CDH20: variants seen among roughly 807,000 people sequenced by gnomAD.
The protein encoded by CDH20 is cadherin-20.
A neutral mutation model predicts 74.2 loss-of-function variants in CDH20; 29 were observed. The ratio of observed to expected loss-of-function variants is 0.39; its 90% confidence interval spans 0.29 to 0.53. The LOEUF is 0.53. Ranked by LOEUF, CDH20 falls within the 20% of genes least tolerant of loss-of-function variation. The pLI is 0.69. For synonymous variants in CDH20, 469 were observed against 405.4 expected (o/e 1.16, Z -1.88); for missense variants, 988 against 1,048.3 (o/e 0.94, Z 0.79).
intron 7 of CDH20, 146 bp from the exon 8 acceptor site, chr18:61,536,347 T>C: frequency 1.6e-6 from 1 of 618,608 alleles, no homozygotes; most frequent in East Asian, 2.6e-5. Context: ...TCTGAACAAA[T>C]AAAACCACGA....
intron 9 of CDH20, among the ~76,000 whole-genome samples, chr18:61,544,556 C>G (rs1013697639): frequency 2.0e-5 from 3 of 152,144 alleles, no homozygotes; most frequent in Non-Finnish European, 4.4e-5. Flanking sequence ...TGATCTTCCC[C>G]CGGATTCGGG....
intron 1 of CDH20, among the ~76,000 whole-genome samples, chr18:61,423,170 A>C (rs999432402): frequency 1.3e-5 from 2 of 152,240 alleles, no homozygotes; most frequent in African/African-American, 4.8e-5. Flanking sequence ...GTGGACCAGT[A>C]AGAATGTGGT....
In CDH20 at chr18:61,425,040, C is replaced by CCTCTCTCTCTCT. The variant is rs10535853; in HGVS notation, c.-152-65336_-152-65325dup. On this transcript the variant is annotated intron_variant, in intron 1 of 11. Transcript: ENST00000262717. ...TCCCTCTCTCTCCCACTTCCCCGCT[C>CCTCTCTCTCTCT]CTCTCTCTCTCTCTCTCTCTCTCTC... Among the ~76,000 whole-genome samples the CCTCTCTCTCTCT allele has an allele frequency of 6.7e-5, 9 of 134,750 alleles. No homozygotes were observed. The South Asian group carries it at 7.8e-4, about 12-fold the overall frequency. The allele number at this position is 134,750 out of a possible 152,430, so 88.4% of individuals were successfully genotyped here.
At chr18:61,462,669 G>T (rs963845608) in intron 1 of CDH20, among the ~76,000 whole-genome samples, 2 of 135,772 alleles carry the variant, frequency 1.5e-5, no homozygotes, top group Non-Finnish European at 3.1e-5. Context: ...AACAATAGTT[G>T]TTAATGTAAG....
chr18:61,492,642 C>T (rs1911000087), intron 2 of CDH20, among the ~76,000 whole-genome samples: 1 of 152,208 alleles, frequency 6.6e-6, no homozygotes, highest in Non-Finnish European at 1.5e-5. Context: ...CTGTCAAGCA[C>T]TGCCTTTACT....
intron 6 of CDH20, among the ~76,000 whole-genome samples, chr18:61,514,208 CT>C (rs1911895099): frequency 6.6e-6 from 1 of 151,232 alleles, no homozygotes; most frequent in East Asian, 2.0e-4. Flanking sequence ...TCTTTTTATT[CT>C]TTTTTCTCTA....
chr18:61,545,264 T>A (rs910368229), intron 10 of CDH20, 120 bp downstream of exon 10: 13 of 713,948 alleles, frequency 1.8e-5, no homozygotes, highest in African/African-American at 5.5e-5. Context: ...GGGAGGATGT[T>A]AATAATTCAG....
At chr18:61,399,223 C>G (rs1336666293) in intron 1 of CDH20, among the ~76,000 whole-genome samples, 1 of 151,508 alleles carries the variant, frequency 6.6e-6, no homozygotes, top group East Asian at 1.9e-4. Context: ...TCATAGAACA[C>G]CAGCAGTTGT....
chr18:61,462,736 C>A (rs1321724053), intron 1 of CDH20, among the ~76,000 whole-genome samples: 4 of 134,248 alleles, frequency 3.0e-5, no homozygotes, highest in Non-Finnish European at 3.2e-5. Flanking sequence ...GGGGGGGGGG[C>A]ATCTAGGGCA....
At chr18:61,430,818 G>A (rs1913228244) in intron 1 of CDH20, among the ~76,000 whole-genome samples, 1 of 151,932 alleles carries the variant, frequency 6.6e-6, no homozygotes, top group South Asian at 2.1e-4. Flanking sequence ...CTTACTTTCT[G>A]GCAGTATAAG....
chr18:61,437,727 C>T (rs984425564), intron 1 of CDH20, among the ~76,000 whole-genome samples: 2 of 152,106 alleles, frequency 1.3e-5, no homozygotes, highest in African/African-American at 2.4e-5. Context: ...CTTCTCTGGA[C>T]ATCAGTTCGT....
At chr18:61,391,694 C>T (rs1911787033) in intron 1 of CDH20, 1 of 151,802 alleles carries the variant, frequency 6.6e-6, no homozygotes, top group African/African-American at 2.4e-5. Context: ...GTGAAGCATT[C>T]CATATTTTTA....
intron 1 of CDH20, among the ~76,000 whole-genome samples, chr18:61,424,473 A>G (rs2144280900): frequency 6.6e-6 from 1 of 152,296 alleles, no homozygotes; most frequent in African/African-American, 2.4e-5. Flanking sequence ...CCTAAATTAG[A>G]CTTAATTTGC....
intron 1 of CDH20, among the ~76,000 whole-genome samples, chr18:61,406,896 A>G (rs886495511): frequency 1.3e-5 from 2 of 152,240 alleles, no homozygotes; most frequent in African/African-American, 4.8e-5. Flanking sequence ...AGACTAGAAG[A>G]GAAAGAAAGT....
At chr18:61,338,730 C>A (rs1210815120) in intron 1 of CDH20, among the ~76,000 whole-genome samples, 1 of 152,138 alleles carries the variant, frequency 6.6e-6, no homozygotes, top group Non-Finnish European at 1.5e-5. Flanking sequence ...GAAACATGCA[C>A]AGCATAGCCT....
chr18:61,497,954 G>C (rs143616229), intron 2 of CDH20, among the ~76,000 whole-genome samples: 1 of 152,294 alleles, frequency 6.6e-6, no homozygotes, highest in East Asian at 1.9e-4. Context: ...CCTTTAGAAA[G>C]AGACCATTAC....
chr18:61,531,001 G>C (rs1283646902), intron 7 of CDH20, among the ~76,000 whole-genome samples: 1 of 152,206 alleles, frequency 6.6e-6, no homozygotes, highest in Admixed American at 6.5e-5. Flanking sequence ...AGGTTAGAAT[G>C]TAATGGTTAA....
rs34386147 is a variant in CDH20 at position 61,436,056 on chromosome 18, G to A, written c.-152-54346G>A. ...GTATGTGGTCACTGTAATTCTTAAC[G>A]TAATGTTTTCAAGGTTCATCTGTGT... On this transcript the variant is annotated intron_variant, in intron 1 of 11. Transcript: ENST00000262717. Among the ~76,000 whole-genome samples the A allele has an allele frequency of 9.0e-3, 1,364 of 152,178 alleles. 11 individuals carry two copies. The highest frequency in any genetic ancestry group is 0.015 in the Non-Finnish European group (998 of 67,994).
chr18:61,516,013 C>A (rs966433730), intron 6 of CDH20, among the ~76,000 whole-genome samples: 34 of 151,868 alleles, frequency 2.2e-4, no homozygotes, highest in African/African-American at 8.2e-4. Context: ...CCCTAAAGTA[C>A]AACATGGACA....
Sources: allele counts gnomAD v4.1 joint callset (sites outside exome capture counted in the v4.1 genomes callset), GRCh38; gene constraint gnomAD v4.1.1; transcripts MANE v1.5; gene names NCBI Gene and HGNC (gene_info 2026-07-23, HGNC 2026-07-21).